The following TRPM7 variants were observed in gnomAD, a reference collection of about 807,000 sequenced individuals.
TRPM7 encodes transient receptor potential cation channel subfamily M member 7.
In TRPM7, 134 loss-of-function variants were observed where a neutral mutation model predicts 229.7. The observed-to-expected ratio is 0.58, with a 90% CI of 0.51 to 0.67. The LOEUF is 0.67. TRPM7 is among the 30% of genes least tolerant of loss of function. The pLI, the probability that TRPM7 is intolerant of heterozygous loss-of-function variation, is 0.00. For synonymous variants in TRPM7, 699 were observed against 715.2 expected, an observed-to-expected ratio of 0.98 and a Z score of 0.36; for missense variants, 1,901 against 2,210.0, an observed-to-expected ratio of 0.86 and a Z score of 2.80.
chr15:50,677,434 G>C (rs1286777743), intron 1 of TRPM7, among the ~76,000 whole-genome samples: 4 of 151,724 alleles, frequency 2.6e-5, no homozygotes, highest in African/African-American at 9.7e-5. Flanking sequence ...CACACACAGA[G>C]CACAGGATTA....
intron 25 of TRPM7, among the ~76,000 whole-genome samples, chr15:50,593,307 A>AAAT (rs994317471): frequency 1.4e-3 from 214 of 151,942 alleles, no homozygotes; most frequent in Admixed American, 5.4e-3. Context: ...AAAATAAAAT[A>AAAT]AATAATAATA....
intron 1 of TRPM7, among the ~76,000 whole-genome samples, chr15:50,685,457 A>AAAAC (rs1222389062): frequency 1.3e-5 from 2 of 152,384 alleles, no homozygotes; most frequent in African/African-American, 2.4e-5. Context: ...ACCCTGTCTC[A>AAAAC]AAACAAACAA....
chr15:50,602,207 A>T (rs796917436), intron 21 of TRPM7, among the ~76,000 whole-genome samples: 43 of 152,318 alleles, frequency 2.8e-4, no homozygotes, highest in African/African-American at 1.0e-3. Flanking sequence ...GTAGCCATAA[A>T]AAAGGATGAG....
chr15:50,668,599 C>T (rs987487531), intron 1 of TRPM7, among the ~76,000 whole-genome samples: 4 of 152,138 alleles, frequency 2.6e-5, no homozygotes, highest in Non-Finnish European at 5.9e-5. Flanking sequence ...ACTCTGCCTC[C>T]GGGGTCCAAG....
At position 50,628,229 on chromosome 15, in the gene TRPM7, C is replaced by T. The variant is rs762459410; in HGVS notation, c.1225G>A (p.Asp409Asn). 1 of 1,612,706 alleles carries T rather than the reference C, an allele frequency of 6.2e-7. No individual in the cohort carries two copies. Among genetic ancestry groups the T allele is most frequent in the South Asian group, 1.1e-5 (1 of 90,950 alleles). The change falls in exon 11 of 39, where the codon GAC becomes AAC. Residue 409 changes from aspartate to asparagine, a missense_variant. Physicochemically the swap from Asp to Asn is conservative, Grantham distance 23. Around this residue, in one of 8 missense-constraint regions of TRPM7, gnomAD observed 794 missense variants for 881.9 expected, o/e 0.90. Transcript: ENST00000646667. ...CATGCCAATGTAAGGATAAGCTGGT[C>T]AAATGCAGATGCATTAGTACCTAAT... Reference protein sequence around the residue: ...LLKGTNASAFDQLILTLAWDR... With the variant: ...LLKGTNASAFNQLILTLAWDR...
rs1301171896 is a variant in TRPM7, at chr15:50,605,970, T to TA, written c.2710-827dup. On this transcript the variant is annotated intron_variant, in intron 20 of 38. Coordinates refer to ENST00000646667, the MANE Select transcript of TRPM7 (RefSeq NM_017672.6). Reference sequence around the variant, plus strand: ...AGAAAAAAAAAAGAAATTCTTATGATATCTAAGTGAGAGAGAAGTACAACA... The same window carrying TA: ...AGAAAAAAAAAAGAAATTCTTATGATAATCTAAGTGAGAGAGAAGTACAACA... Among the ~76,000 whole-genome samples, 4 of 152,178 alleles carry TA rather than the reference T, an allele frequency of 2.6e-5. No homozygotes were observed. The East Asian group carries it at 7.7e-4, about 29-fold the overall frequency.
intron 12 of TRPM7, among the ~76,000 whole-genome samples, chr15:50,622,799 T>C (rs983845331): frequency 6.6e-6 from 1 of 151,898 alleles, no homozygotes; most frequent in African/African-American, 2.4e-5. Context: ...GGCAGGAAAA[T>C]TGCTTGAACC....
intron 2 of TRPM7, among the ~76,000 whole-genome samples, chr15:50,659,192 CAAA>C (rs35593329): frequency 4.0e-5 from 4 of 99,194 alleles, no homozygotes; most frequent in Admixed American, 1.2e-4. Flanking sequence ...GACTCCGTCT[CAAA>C]AAAAAAAAAA....
chr15:50,604,329 T>C (rs926728379), intron 21 of TRPM7: 29 of 152,422 alleles, frequency 1.9e-4, no homozygotes, highest in African/African-American at 6.7e-4. Context: ...TCCCAGCACT[T>C]TGGGAGGCCA....
chr15:50,591,937 T>C lies in TRPM7; in HGVS notation c.4298A>G (p.Asp1433Gly). The C allele has an allele frequency of 1.9e-6, 3 of 1,582,612 alleles. No individual in the cohort carries two copies. The highest frequency in any genetic ancestry group is 2.4e-5 in the South Asian group (2 of 84,046). Residue 1433 changes from aspartate to glycine, a missense_variant, in exon 26 of 39, where the codon GAT (aspartate) becomes GGT (glycine). Asp to Gly is a moderately conservative substitution (Grantham distance 94, BLOSUM62 -1). Transcript: ENST00000646667. Reference sequence around the variant, plus strand: ...TACAAATGCTCCAAATTCTGTATTATCTCCTTCTGTAGCTTTAGAGCAAAC... The same window carrying C: ...TACAAATGCTCCAAATTCTGTATTACCTCCTTCTGTAGCTTTAGAGCAAAC... ...ETVCSKATEGDNTEFGAFVGH... is the reference protein window; with the variant it reads ...ETVCSKATEGGNTEFGAFVGH...
intron 16 of TRPM7, among the ~76,000 whole-genome samples, chr15:50,612,275 G>C (rs1027294870): frequency 6.6e-6 from 1 of 152,132 alleles, no homozygotes; most frequent in East Asian, 1.9e-4. Context: ...ATTTCATGTA[G>C]AGACGGGGTC....
At chr15:50,579,861 T>TC (rs2054317711) in intron 30 of TRPM7, among the ~76,000 whole-genome samples, 1 of 152,178 alleles carries the variant, frequency 6.6e-6, no homozygotes, top group Non-Finnish European at 1.5e-5. Flanking sequence ...AGTGGTGCAA[T>TC]CATGGCTCAC....
chr15:50,580,582 A>G (rs892004218), intron 30 of TRPM7, among the ~76,000 whole-genome samples: 1 of 152,366 alleles, frequency 6.6e-6, no homozygotes, highest in African/African-American at 2.4e-5. Flanking sequence ...TTATTCAGGA[A>G]TAAGTTAGAA....
intron 3 of TRPM7, among the ~76,000 whole-genome samples, chr15:50,656,787 T>C (rs908720763): frequency 1.3e-5 from 2 of 152,146 alleles, no homozygotes; most frequent in African/African-American, 2.4e-5. Flanking sequence ...CCCTAAAGCA[T>C]ATTACAATTT....
chr15:50,597,331 T>C (rs1045761613), intron 22 of TRPM7, among the ~76,000 whole-genome samples: 20 of 152,216 alleles, frequency 1.3e-4, no homozygotes, highest in African/African-American at 4.8e-4. Context: ...GATGAATTAG[T>C]GATAAGTTCT....
chr15:50,604,834 C>A, intron 21 of TRPM7, 32 bp downstream of exon 21: 5 of 1,511,458 alleles, frequency 3.3e-6, no homozygotes, highest in African/African-American at 2.8e-5. Flanking sequence ...ATCAATAAAC[C>A]CACGAGTATT....
In TRPM7 at chr15:50,605,121, T is replaced by C. The variant is rs2140436321; in HGVS notation, c.2733A>G (p.Lys911=). Residue 911 remains lysine, a synonymous_variant, in exon 21 of 39, where the codon AAA becomes AAG. Transcript: ENST00000646667. ...ACCATACTTTAATCTTCTGGTTTAC[T>C]TTCCCAGCTTCAGACATAAAGATCT... ...VREIFMSEAG[K]VNQKIKVWFS... 3.1e-6 allele frequency: 5 copies of C among 1,602,212 alleles called. No homozygotes were observed. The highest frequency in any genetic ancestry group is 3.4e-6 in the Non-Finnish European group (4 of 1,175,304).
chr15:50,628,104 C>A (rs1596245761), intron 11 of TRPM7, 45 bp downstream of exon 11: 1 of 1,346,826 alleles, frequency 7.4e-7, no homozygotes, highest in East Asian at 2.3e-5. Flanking sequence ...TTTTTTATTA[C>A]TTAGTGTAAT....
In TRPM7 at chr15:50,632,783, A is replaced by G. The variant is rs1000934134; in HGVS notation, c.1131+86T>C. On this transcript the variant is annotated intron_variant, in intron 9 of 38. Coordinates refer to ENST00000646667, the MANE Select transcript of TRPM7 (RefSeq NM_017672.6). ...CAAAGTTTAAAATCCAAATAAAAACAAAAGTATTTCACCAGTTTAGAATGT... is the reference window on the plus strand; with the variant it reads ...CAAAGTTTAAAATCCAAATAAAAACGAAAGTATTTCACCAGTTTAGAATGT... 2.4e-5 allele frequency: 30 copies of G among 1,274,568 alleles called. No individual in the cohort carries two copies. The African/African-American group carries it at 3.7e-4, about 16-fold the overall frequency. 79.0% of individuals were successfully genotyped at this position (1,274,568 alleles called of 1,614,324 possible).
Sources: allele counts gnomAD v4.1 joint callset (sites outside exome capture counted in the v4.1 genomes callset), GRCh38; gene constraint gnomAD v4.1.1; regional missense constraint gnomAD v4.1.1; transcripts MANE v1.5; gene names NCBI Gene and HGNC (gene_info 2026-07-23, HGNC 2026-07-21).